The following SSU72 variants were observed in gnomAD, a reference collection of about 807,000 sequenced individuals.
SSU72 encodes the protein RNA polymerase II subunit A C-terminal domain phosphatase SSU72.
Under a neutral mutation model 22.7 loss-of-function variants are expected in SSU72, and 12 were observed. That is an observed-to-expected ratio of 0.53 (90% CI 0.34 to 0.86). The LOEUF (loss-of-function observed/expected upper bound fraction) is 0.86, where lower values mean the gene tolerates loss of function less well. Among genes scored for constraint, SSU72 ranks in the 40% least tolerant of loss-of-function variants. The probability of loss-of-function intolerance (pLI) is 0.02; values close to 1 mark genes in which losing one functional copy is unlikely to be tolerated. For missense variants in SSU72, 151 were observed against 249.8 expected, an observed-to-expected ratio of 0.60 and a Z score of 2.67; for synonymous variants, 116 against 98.3, an observed-to-expected ratio of 1.18 and a Z score of -1.06.
At chr1:1,548,523 T>C (rs1642419876) in intron 2 of SSU72, among the ~76,000 whole-genome samples, 1 of 139,134 alleles carries the variant, frequency 7.2e-6, no homozygotes, top group Non-Finnish European at 1.5e-5. Flanking sequence ...CACTGCACTC[T>C]GGCCTCGGTG....
At chr1:1,547,514 G>C (rs1269840818) in intron 2 of SSU72, among the ~76,000 whole-genome samples, 1 of 152,236 alleles carries the variant, frequency 6.6e-6, no homozygotes, top group South Asian at 2.1e-4. Context: ...CAGAGGGCTA[G>C]ACCTGCAAGC....
chr1:1,564,226 C>T (rs540026859), intron 2 of SSU72: 101 of 340,256 alleles, frequency 3.0e-4, no homozygotes, highest in Non-Finnish European at 5.0e-4. Flanking sequence ...TAGGAGTCTT[C>T]GCGGCAGACC....
In SSU72 at chr1:1,574,787, G is replaced by A; in HGVS notation, c.-230C>T. ...CGGGCGCGCTGCACTCGGCGAGGCC[G>A]GGGGCGGCCAACGCCGCGCCGGCCC... is the stretch of plus-strand genomic sequence containing the variant. On this transcript the variant is annotated 5_prime_UTR_variant, in exon 1 of 5. Transcript: ENST00000291386. 1 of 231,978 alleles carries A rather than the reference G, an allele frequency of 4.3e-6. No individual in the cohort carries two copies. Among genetic ancestry groups the A allele is most frequent in the Non-Finnish European group, 8.4e-6 (1 of 119,474 alleles). The allele number at this position is 231,978 out of a possible 1,614,324, so 14.4% of individuals were successfully genotyped here. A position where few individuals can be genotyped will look rare whatever the true frequency, so the allele number is the denominator to read the frequency against.
rs1642333150 is a variant in SSU72 at position 1,542,371 on chromosome 1, AC to A, written c.484-205del. 6.6e-6 allele frequency among the ~76,000 whole-genome samples: 1 copy of A among 151,900 alleles called. No individual in the cohort carries two copies. The highest frequency in any genetic ancestry group is 2.4e-5 in the African/African-American group (1 of 41,348). On this transcript the variant is annotated intron_variant, in intron 4 of 4. Transcript: ENST00000291386. The surrounding 1 kb of genome is among the most constrained non-coding windows in gnomAD (Gnocchi z 4.4). The stretch of plus-strand genomic sequence containing the variant: ...CCGGGCAGCCCCCACCTCCCCACCG[AC>A]CCTCACAGGACCTGAAGCTGGGAGG...
Position 1,564,815 on chromosome 1 carries a change from T to A in SSU72, c.182A>T (p.Tyr61Phe). 1.2e-6 allele frequency: 2 copies of A among 1,614,196 alleles called. No homozygotes were observed. The highest frequency in any genetic ancestry group is 1.7e-6 in the Non-Finnish European group (2 of 1,180,042). ...AAGAAGATCATTGTACATCTGGTCA[T>A]ATGTGGTTTTGAAATCATAAACATT... is the stretch of plus-strand genomic sequence containing the variant. ...KPNVYDFKTT[Y>F]DQMYNDLLRK... Residue 61 changes from tyrosine (Y) to phenylalanine (F), a missense_variant, in exon 2 of 5, where the codon TAT becomes TTT. Coordinates refer to ENST00000291386, the MANE Select transcript of SSU72 (RefSeq NM_014188.3).
rs768703282 is a variant in SSU72 at position 1,542,209 on chromosome 1, C to A, written c.484-42G>T. 56 of 1,533,934 alleles carry A rather than the reference C, an allele frequency of 3.7e-5. No homozygotes were observed. The highest frequency in any genetic ancestry group is 4.9e-5 in the Non-Finnish European group (55 of 1,130,266). ...GTGGTGAGGGCCTTGCCCACTCCTGCCTGTCTGCTCCCCCTAACACCTGGA... is the reference window on the plus strand; with the variant it reads ...GTGGTGAGGGCCTTGCCCACTCCTGACTGTCTGCTCCCCCTAACACCTGGA... On this transcript the variant is annotated intron_variant, in intron 4 of 4. Coordinates refer to ENST00000291386, the MANE Select transcript of SSU72 (RefSeq NM_014188.3). The surrounding 1 kb of genome is among the most constrained non-coding windows in gnomAD (Gnocchi z 4.4).
intron 1 of SSU72, among the ~76,000 whole-genome samples, chr1:1,568,831 T>G (rs973411905): frequency 6.6e-6 from 1 of 150,830 alleles, no homozygotes; most frequent in Non-Finnish European, 1.5e-5. Flanking sequence ...GGCCAGGAGT[T>G]CAATACCAGC....
intron 3 of SSU72, 57 bp from the exon 4 acceptor site, chr1:1,544,044 T>C: frequency 7.3e-7 from 1 of 1,374,358 alleles, no homozygotes. Flanking sequence ...GAACAGGCAG[T>C]CAATGTGGCT....
intron 3 of SSU72, 46 bp downstream of exon 3, chr1:1,544,817 T>C: frequency 6.2e-7 from 1 of 1,613,418 alleles, no homozygotes; most frequent in Non-Finnish European, 8.5e-7. Flanking sequence ...CCCCAGACCC[T>C]GTGAGAGCTG....
intron 2 of SSU72, among the ~76,000 whole-genome samples, chr1:1,557,476 T>C (rs1188440006): frequency 2.1e-5 from 3 of 145,296 alleles, no homozygotes; most frequent in Admixed American, 7.0e-5. Flanking sequence ...TTGGGAACTA[T>C]ACTATTCATC....
At position 1,574,708 on chromosome 1, in the gene SSU72, C is replaced by A. The variant is rs1005006831; in HGVS notation, c.-151G>T. On this transcript the variant is annotated 5_prime_UTR_variant, in exon 1 of 5. Transcript: ENST00000291386. ...GTAGCGTGCGGCGACTGCGCGGCGG[C>A]CTCCCCGCCCACCCTGGGCGCCGGG... 1 of 657,976 alleles carries A rather than the reference C, an allele frequency of 1.5e-6. No homozygotes were observed. Among genetic ancestry groups the A allele is most frequent in the African/African-American group, 1.9e-5 (1 of 51,620 alleles). 40.8% of individuals were successfully genotyped at this position (657,976 alleles called of 1,614,324 possible). A position where few individuals can be genotyped will look rare whatever the true frequency, so the allele number is the denominator to read the frequency against.
Position 1,542,208 on chromosome 1 carries a change from G to A in SSU72, c.484-41C>T, listed in dbSNP as rs1642330011. 1.3e-6 allele frequency: 2 copies of A among 1,534,494 alleles called. No homozygotes were observed. Among genetic ancestry groups the A allele is most frequent in the African/African-American group, 2.7e-5 (2 of 72,960 alleles). ...CGTGGTGAGGGCCTTGCCCACTCCT[G>A]CCTGTCTGCTCCCCCTAACACCTGG... is the stretch of plus-strand genomic sequence containing the variant. On this transcript the variant is annotated intron_variant, in intron 4 of 4. Coordinates refer to ENST00000291386, the MANE Select transcript of SSU72 (RefSeq NM_014188.3). This position sits in a 1 kb window ranked among gnomAD's most constrained non-coding sequence, Gnocchi z 4.4.
intron 2 of SSU72, chr1:1,561,088 CTTT>C (rs1331511254): frequency 6.6e-6 from 1 of 150,786 alleles, no homozygotes; most frequent in African/African-American, 2.4e-5. Context: ...ACTGTCCTTC[CTTT>C]TTTATTTTTT....
At chr1:1,546,658 G>C (rs113747185) in intron 2 of SSU72, among the ~76,000 whole-genome samples, 28 of 152,014 alleles carry the variant, frequency 1.8e-4, no homozygotes, top group African/African-American at 6.3e-4. Context: ...CCAAGATGGT[G>C]AAACCCCGTC....
chr1:1,570,448 C>T (rs868720227), intron 1 of SSU72, among the ~76,000 whole-genome samples: 14 of 151,550 alleles, frequency 9.2e-5, no homozygotes, highest in African/African-American at 3.4e-4. Context: ...GCCCGTTACC[C>T]CCGAGACCCC....
intron 2 of SSU72, among the ~76,000 whole-genome samples, chr1:1,546,860 C>CAAAAAAAAAA (rs1169308811): frequency 1.3e-5 from 1 of 75,152 alleles, no homozygotes; most frequent in Non-Finnish European, 2.7e-5. Flanking sequence ...ACAACAACAA[C>CAAAAAAAAAA]AAAAAAAAAA....
At chr1:1,571,177 G>A (rs185966516) in intron 1 of SSU72, among the ~76,000 whole-genome samples, 3 of 149,912 alleles carry the variant, frequency 2.0e-5, no homozygotes, top group Non-Finnish European at 3.0e-5. Context: ...CCCGGGAGGC[G>A]GAGGTTGCAG....
At chr1:1,565,054 T>C in intron 1 of SSU72, 138 bp from the exon 2 acceptor site, 1 of 1,260,332 alleles carries the variant, frequency 7.9e-7, no homozygotes. Flanking sequence ...AAATTTTTAA[T>C]CTAGGCCGGG....
intron 2 of SSU72, among the ~76,000 whole-genome samples, chr1:1,556,955 A>C (rs1419698560): frequency 6.6e-6 from 1 of 152,238 alleles, no homozygotes; most frequent in Non-Finnish European, 1.5e-5. Context: ...TGAGAAGAGC[A>C]GGCCAGTATC....
Sources: gnomAD v4.1 joint callset for allele counts (sites outside exome capture counted in the v4.1 genomes callset) on GRCh38, gnomAD v4.1.1 for gene constraint, Gnocchi (gnomAD v3.1) non-coding constraint, MANE v1.5 for transcripts, NCBI Gene and HGNC (gene_info 2026-07-23, HGNC 2026-07-21) for gene names.